EIF4B: variants seen among roughly 807,000 people sequenced by gnomAD.
The protein encoded by EIF4B is eukaryotic translation initiation factor 4B.
In EIF4B, 8 loss-of-function variants were observed where a neutral mutation model predicts 79.3. The observed-to-expected ratio is 0.10, with a 90% CI of 0.06 to 0.18. The LOEUF (loss-of-function observed/expected upper bound fraction) is 0.18, where lower values mean the gene tolerates loss of function less well. Among genes scored for constraint, EIF4B ranks in the 10% least tolerant of loss-of-function variants. The pLI, the probability that EIF4B is intolerant of heterozygous loss-of-function variation, is 1.00. For synonymous variants in EIF4B, 238 were observed against 274.7 expected (o/e 0.87, Z 1.32); for missense variants, 515 against 792.4 (o/e 0.65, Z 4.20).
intron 8 of EIF4B, among the ~76,000 whole-genome samples, chr12:53,031,384 C>T (rs988492618): frequency 6.6e-6 from 1 of 152,172 alleles, no homozygotes; most frequent in Non-Finnish European, 1.5e-5. Flanking sequence ...TCAAGTGATC[C>T]TCCTTCCTCA....
intron 10 of EIF4B, 92 bp from the exon 11 acceptor site, chr12:53,037,317 G>A: frequency 7.1e-7 from 1 of 1,411,906 alleles, no homozygotes; most frequent in Non-Finnish European, 9.6e-7. Context: ...GCCAAAACTT[G>A]GATGTGGACC....
In EIF4B at chr12:53,006,482, A is replaced by G. The variant is rs867881378; in HGVS notation, c.-2A>G. The G allele has an allele frequency of 6.8e-6, 11 of 1,613,166 alleles. No homozygotes were observed. The highest frequency in any genetic ancestry group is 1.6e-4 in the Middle Eastern group (1 of 6,082). On this transcript the variant is annotated 5_prime_UTR_variant, in exon 1 of 15. Transcript: ENST00000262056. ...TTTTGCGTTCTCTTTCCCTCTCCCA[A>G]CATGGCGGCCTCAGGTGAGCGAGCA... is the stretch of plus-strand genomic sequence containing the variant.
intron 1 of EIF4B, among the ~76,000 whole-genome samples, chr12:53,008,001 A>C (rs1401498873): frequency 1.3e-5 from 2 of 152,226 alleles, no homozygotes; most frequent in African/African-American, 4.8e-5. Context: ...TGTCATCATC[A>C]GTTTAGGACG....
intron 1 of EIF4B, among the ~76,000 whole-genome samples, chr12:53,015,635 C>T (rs1249049308): frequency 6.6e-6 from 1 of 150,654 alleles, no homozygotes; most frequent in Non-Finnish European, 1.5e-5. Flanking sequence ...TAGCCGTGGC[C>T]ACACCACTGC....
At chr12:53,028,293 C>T in intron 8 of EIF4B, 105 bp downstream of exon 8, 1 of 1,411,346 alleles carries the variant, frequency 7.1e-7, no homozygotes, top group Non-Finnish European at 9.4e-7. Context: ...ATATAATTTG[C>T]ACATTGTACA....
At chr12:53,032,030 CTTGAA>C (rs1433086562) in intron 8 of EIF4B, among the ~76,000 whole-genome samples, 5 of 128,492 alleles carry the variant, frequency 3.9e-5, no homozygotes, top group African/African-American at 5.3e-5. Flanking sequence ...GTTCTGACAA[CTTGAA>C]TTGAGGAAGA....
chr12:53,030,674 T>TG (rs1943426892), intron 8 of EIF4B, among the ~76,000 whole-genome samples: 1 of 151,982 alleles, frequency 6.6e-6, no homozygotes, highest in African/African-American at 2.4e-5. Flanking sequence ...CCTCCCAAAG[T>TG]GCTGGGATTA....
At position 53,011,585 on chromosome 12, in the gene EIF4B, C is replaced by T. The variant is rs151137216; in HGVS notation, c.14-4888C>T. Among the ~76,000 whole-genome samples, 226 of 152,228 alleles carry T rather than the reference C, an allele frequency of 1.5e-3. 1 individual carries two copies. Among genetic ancestry groups the T allele is most frequent in the African/African-American group, 5.2e-3 (216 of 41,536 alleles). Reference sequence around the variant, plus strand: ...ATCAGAGATAACTGCTAAAATCCCCCCATGACAAATTACCTAAGCTAAAAT... The same window carrying T: ...ATCAGAGATAACTGCTAAAATCCCCTCATGACAAATTACCTAAGCTAAAAT... On this transcript the variant is annotated intron_variant, in intron 1 of 14. Coordinates refer to ENST00000262056, the MANE Select transcript of EIF4B (RefSeq NM_001417.7).
chr12:53,031,301 G>T (rs1477498353), intron 8 of EIF4B, among the ~76,000 whole-genome samples: 3 of 152,124 alleles, frequency 2.0e-5, no homozygotes, highest in Non-Finnish European at 2.9e-5. Flanking sequence ...CTTGAGACAG[G>T]ATCTCACTCT....
chr12:53,022,300 A>G (rs777308833), intron 5 of EIF4B, 193 bp from the exon 6 acceptor site: 17 of 781,056 alleles, frequency 2.2e-5, no homozygotes, highest in South Asian at 2.9e-5. Flanking sequence ...CATTAAACCA[A>G]TAGGAAAAAA....
At chr12:53,019,435 A>G (rs77537535) in intron 3 of EIF4B, among the ~76,000 whole-genome samples, 1 of 39,470 alleles carries the variant, frequency 2.5e-5, no homozygotes, top group Non-Finnish European at 6.1e-5. Context: ...ATATATATAT[A>G]TATTTTTTTT....
intron 1 of EIF4B, chr12:53,014,850 A>G (rs1179256615): frequency 6.6e-6 from 1 of 152,194 alleles, no homozygotes; most frequent in African/African-American, 2.4e-5. Flanking sequence ...TTTCTTAATC[A>G]TGTAGTGGCT....
intron 5 of EIF4B, among the ~76,000 whole-genome samples, chr12:53,022,089 A>G (rs1159917097): frequency 1.3e-5 from 2 of 152,222 alleles, no homozygotes; most frequent in Non-Finnish European, 2.9e-5. Context: ...GGTTAATTCT[A>G]TAGGGAATAG....
intron 1 of EIF4B, among the ~76,000 whole-genome samples, chr12:53,007,389 A>T (rs1389582661): frequency 2.8e-5 from 4 of 142,814 alleles, no homozygotes; most frequent in African/African-American, 1.1e-4. Context: ...ATGTTGGTTG[A>T]ATTTGGATAG....
intron 10 of EIF4B, among the ~76,000 whole-genome samples, chr12:53,034,956 CTT>C (rs72498436): frequency 0.58 from 52,156 of 90,346 alleles, 17,146 homozygotes; most frequent in Non-Finnish European, 0.77. Flanking sequence ...TTGTCTCTCT[CTT>C]TTTTTTTTTT....
At chr12:53,032,741 C>G (rs946296041) in intron 8 of EIF4B, among the ~76,000 whole-genome samples, 1 of 148,500 alleles carries the variant, frequency 6.7e-6, no homozygotes, top group Non-Finnish European at 1.5e-5. Flanking sequence ...GTTCTCAGCT[C>G]ACTGCAACCT....
At chr12:53,027,710 C>G (rs974608139) in intron 6 of EIF4B, 72 bp from the exon 7 acceptor site, 6 of 1,530,164 alleles carry the variant, frequency 3.9e-6, no homozygotes, top group Admixed American at 4.0e-5. Context: ...CCAAATTGGA[C>G]TGATAGCTTA....
intron 1 of EIF4B, 39 bp from the exon 2 acceptor site, chr12:53,016,434 A>C: frequency 6.2e-7 from 1 of 1,610,998 alleles, no homozygotes; most frequent in Non-Finnish European, 8.5e-7. Flanking sequence ...TAAATACCTG[A>C]GTATTGGTGA....
At chr12:53,023,980 A>G (rs1180416702) in intron 6 of EIF4B, among the ~76,000 whole-genome samples, 3 of 152,230 alleles carry the variant, frequency 2.0e-5, no homozygotes, top group Non-Finnish European at 4.4e-5. Flanking sequence ...TTTTTCTAAT[A>G]AAAATTGATT....
Sources: gnomAD v4.1 joint callset for allele counts (sites outside exome capture counted in the v4.1 genomes callset) on GRCh38, gnomAD v4.1.1 for gene constraint, MANE v1.5 for transcripts, NCBI Gene and HGNC (gene_info 2026-07-23, HGNC 2026-07-21) for gene names.